GRAMD2B: variants seen among roughly 807,000 people sequenced by gnomAD.
GRAMD2B encodes the protein GRAM domain-containing protein 2B.
Under a neutral mutation model 59.2 loss-of-function variants are expected in GRAMD2B, and 41 were observed. The ratio of observed to expected loss-of-function variants is 0.69; its 90% CI spans 0.54 to 0.90. The LOEUF is 0.90. GRAMD2B is among the 40% of genes least tolerant of loss of function. The pLI is 0.00. For missense variants in GRAMD2B, 424 were observed against 500.5 expected, an observed-to-expected ratio of 0.85 and a Z score of 1.46; for synonymous variants, 161 against 182.7, an observed-to-expected ratio of 0.88 and a Z score of 0.96.
intron 1 of GRAMD2B, 58 bp from the exon 2 acceptor site, chr5:126,465,368 T>G: frequency 6.2e-7 from 1 of 1,607,602 alleles, no homozygotes; most frequent in Non-Finnish European, 8.5e-7. Flanking sequence ...TTCATCGTTT[T>G]CCTTCCAGCT....
upstream of GRAMD2B, among the ~76,000 whole-genome samples, chr5:126,367,999 C>T (rs182866008): frequency 3.3e-5 from 5 of 152,328 alleles, no homozygotes; most frequent in East Asian, 9.7e-4. Flanking sequence ...GATCTGCCCG[C>T]GTCGGCCTCC....
At chr5:126,360,215 T>C in exon 1 of GRAMD2B, 1 of 1,227,610 alleles carries the variant, frequency 8.1e-7, no homozygotes, top group Non-Finnish European at 1.1e-6. Context: ...ATAGCACTTG[T>C]GAGCGAAAAG....
In GRAMD2B at chr5:126,415,548, G is replaced by A. The variant is rs1401275365; in HGVS notation, c.125+43981G>A. ...GGTGGGAAGGAGGGAAAGAGGGAGG[G>A]CTACACAATTTGCCTCAAATGAAGG... On this transcript the variant is annotated intron_variant, in intron 1 of 8. Transcript: ENST00000506445. Among the ~76,000 whole-genome samples, 3 of 151,928 alleles carry A rather than the reference G, an allele frequency of 2.0e-5. No homozygotes were observed. The East Asian group carries it at 5.8e-4, about 29-fold the overall frequency.
chr5:126,446,620 TAAAA>T (rs34271639), intron 1 of GRAMD2B, among the ~76,000 whole-genome samples: 140 of 135,204 alleles, frequency 1.0e-3, no homozygotes, highest in Non-Finnish European at 1.7e-3. Flanking sequence ...TTTTAAAAAT[TAAAA>T]AAAAAAAAAA....
rs761923074 is a variant in GRAMD2B, at chr5:126,423,654, G to A, written c.48G>A (p.Val16=). ...TGGAAGACACAAAGCCTGCGAAAGT[G>A]CTCGGGAAGAGGGAGAGCAAACTTG... ...QDVEDTKPAK[V]LGKRESKLGS... Residue 16 remains valine (V), a synonymous_variant, in exon 1 of 14, where the codon GTG becomes GTA. Transcript: ENST00000285689. The A allele has an allele frequency of 4.3e-6, 7 of 1,609,228 alleles. No homozygotes were observed. The Admixed American group carries it at 1.2e-4, about 27-fold the overall frequency.
intron 10 of GRAMD2B, 127 bp downstream of exon 10, chr5:126,484,651 T>A (rs138138209): frequency 1.1e-5 from 10 of 900,016 alleles, no homozygotes; most frequent in Non-Finnish European, 1.6e-5. Flanking sequence ...TAACATGATC[T>A]TGGCTCACTG....
chr5:126,483,919 C>G (rs547718168), intron 9 of GRAMD2B, among the ~76,000 whole-genome samples: 1 of 152,228 alleles, frequency 6.6e-6, no homozygotes, highest in African/African-American at 2.4e-5. Context: ...ACCTCCACCC[C>G]CCGGGTTCAA....
At chr5:126,392,378 C>T (rs748340045) in intron 1 of GRAMD2B, among the ~76,000 whole-genome samples, 3 of 152,116 alleles carry the variant, frequency 2.0e-5, no homozygotes, top group Non-Finnish European at 4.4e-5. Flanking sequence ...CTTTCCCTCC[C>T]GTGATAGGGC....
intron 5 of GRAMD2B, among the ~76,000 whole-genome samples, chr5:126,476,426 G>C (rs1380412910): frequency 6.6e-6 from 1 of 152,210 alleles, no homozygotes; most frequent in Non-Finnish European, 1.5e-5. Flanking sequence ...CCATGGCTGT[G>C]CGTGACTCTA....
chr5:126,367,801 G>A (rs927041180), upstream of GRAMD2B, among the ~76,000 whole-genome samples: 3 of 152,052 alleles, frequency 2.0e-5, no homozygotes, highest in African/African-American at 7.2e-5. Flanking sequence ...GCCCAGGCTG[G>A]ACTGCAGTGG....
intron 1 of GRAMD2B, among the ~76,000 whole-genome samples, chr5:126,379,514 T>C (rs181108998): frequency 6.6e-6 from 1 of 152,306 alleles, no homozygotes; most frequent in East Asian, 1.9e-4. Context: ...TGATTTCCAT[T>C]CCCATCAACA....
chr5:126,428,981 A>T (rs1481335715), intron 1 of GRAMD2B, among the ~76,000 whole-genome samples: 1 of 152,166 alleles, frequency 6.6e-6, no homozygotes, highest in Non-Finnish European at 1.5e-5. Flanking sequence ...CAGTGTGGCA[A>T]TTCCTCAAAT....
At chr5:126,381,385 T>A (rs944527182) in intron 1 of GRAMD2B, among the ~76,000 whole-genome samples, 8 of 152,200 alleles carry the variant, frequency 5.3e-5, no homozygotes, top group Non-Finnish European at 1.0e-4. Context: ...CCTTTCCTGG[T>A]TTTGGTACTG....
chr5:126,445,385 C>G (rs1160894781), intron 1 of GRAMD2B: 2 of 152,240 alleles, frequency 1.3e-5, no homozygotes, highest in East Asian at 3.9e-4. Flanking sequence ...TTAATAATCG[C>G]CATTCACTGG....
intron 1 of GRAMD2B, among the ~76,000 whole-genome samples, chr5:126,434,427 C>A (rs1472214115): frequency 6.6e-6 from 1 of 151,752 alleles, no homozygotes; most frequent in Non-Finnish European, 1.5e-5. Context: ...TTTTTCAAAC[C>A]CCCTCCCCAT....
intron 1 of GRAMD2B, among the ~76,000 whole-genome samples, chr5:126,399,250 T>C (rs905147954): frequency 2.0e-4 from 30 of 152,200 alleles, no homozygotes; most frequent in African/African-American, 7.2e-4. Context: ...GATCTGTCAA[T>C]ATTTGCTTTA....
rs1046804412 is a variant in GRAMD2B at position 126,423,600 on chromosome 5, G to C, written c.-7G>C. Reference sequence around the variant, plus strand: ...AAGTCTGAAGGTGCCCTCCAGACACGGCCCCGATGACTGAACTACAGCAAG... The same window carrying C: ...AAGTCTGAAGGTGCCCTCCAGACACCGCCCCGATGACTGAACTACAGCAAG... On this transcript the variant is annotated 5_prime_UTR_variant, in exon 1 of 14. Transcript: ENST00000285689. The C allele has an allele frequency of 1.1e-5, 18 of 1,610,964 alleles. No individual in the cohort carries two copies. Among genetic ancestry groups the C allele is most frequent in the East Asian group, 2.2e-5 (1 of 44,732 alleles).
chr5:126,423,347 C>G (rs2149780083), upstream of GRAMD2B: 1 of 1,316,838 alleles, frequency 7.6e-7, no homozygotes, highest in Non-Finnish European at 9.6e-7. Flanking sequence ...GGGAAAGAGG[C>G]TGTCACTTCG....
At chr5:126,434,738 C>T (rs1038111384) in intron 1 of GRAMD2B, among the ~76,000 whole-genome samples, 1 of 152,100 alleles carries the variant, frequency 6.6e-6, no homozygotes, top group Admixed American at 6.5e-5. Context: ...AGGATGGTCT[C>T]GATCTCCTGA....
Sources: allele counts gnomAD v4.1 joint callset (sites outside exome capture counted in the v4.1 genomes callset), GRCh38; gene constraint gnomAD v4.1.1; transcripts MANE v1.5; gene names NCBI Gene and HGNC (gene_info 2026-07-23, HGNC 2026-07-21).